Variants in L3MBTL4 observed in about 807,000 individuals in gnomAD.
L3MBTL4 encodes the protein lethal(3)malignant brain tumor-like protein 4.
L3MBTL4 carries 70 observed loss-of-function variants against 84.5 expected under a neutral mutation model. The ratio of observed to expected loss-of-function variants is 0.83; its 90% CI spans 0.68 to 1.01. L3MBTL4 has a LOEUF of 1.01. Ranked by LOEUF, L3MBTL4 falls within the 50% of genes least tolerant of loss-of-function variation. The probability of loss-of-function intolerance (pLI) is 0.00; values close to 1 mark genes in which losing one functional copy is unlikely to be tolerated. For missense variants in L3MBTL4, 715 were observed against 754.8 expected (o/e 0.95, Z 0.62); for synonymous variants, 274 against 259.8 (o/e 1.05, Z -0.52).
chr18:6,408,116 A>C (rs56844285), intron 1 of L3MBTL4, among the ~76,000 whole-genome samples: 1,525 of 152,346 alleles, frequency 0.01, 23 homozygotes, highest in African/African-American at 0.035. Context: ...CTGTGAAAAA[A>C]AATTCACAGA....
Position 5,956,403 on chromosome 18 carries a change from T to C in L3MBTL4, c.1678-16A>G. 6.2e-7 allele frequency: 1 copy of C among 1,611,268 alleles called. No homozygotes were observed. Among genetic ancestry groups the C allele is most frequent in the Non-Finnish European group, 8.5e-7 (1 of 1,178,788 alleles). On this transcript the variant is annotated splice_polypyrimidine_tract_variant and intron_variant, in intron 18 of 18. Coordinates refer to ENST00000317931, the MANE Select transcript of L3MBTL4 (RefSeq NM_001330559.2). ...CATCGATCTGCTGCAAATACATAAA[T>C]AGACACAAATAAAAATGTTTTGCCA...
intron 4 of L3MBTL4, among the ~76,000 whole-genome samples, chr18:6,274,575 T>C (rs1454364550): frequency 6.6e-6 from 1 of 152,236 alleles, no homozygotes; most frequent in South Asian, 2.1e-4. Flanking sequence ...AGTCTATATG[T>C]ACTGTGAAGC....
At chr18:6,156,959 C>A (rs1475072408) in intron 13 of L3MBTL4, among the ~76,000 whole-genome samples, 1 of 152,200 alleles carries the variant, frequency 6.6e-6, no homozygotes, top group Non-Finnish European at 1.5e-5. Context: ...GTTATAGAAT[C>A]AAGTAAATGG....
At chr18:6,193,362 A>G (rs557145892) in intron 12 of L3MBTL4, among the ~76,000 whole-genome samples, 1 of 152,308 alleles carries the variant, frequency 6.6e-6, no homozygotes, top group Admixed American at 6.5e-5. Flanking sequence ...TGAAGACACG[A>G]GAGTCAAACC....
intron 16 of L3MBTL4, among the ~76,000 whole-genome samples, chr18:5,971,614 C>T (rs745339595): frequency 1.3e-3 from 193 of 152,228 alleles, no homozygotes; most frequent in Non-Finnish European, 1.7e-3. Context: ...AAGCTGAAGT[C>T]ATTAAAAATG....
intron 15 of L3MBTL4, among the ~76,000 whole-genome samples, chr18:6,088,875 G>A (rs1466805155): frequency 6.6e-6 from 1 of 151,976 alleles, no homozygotes; most frequent in East Asian, 1.9e-4. Context: ...ATTTTCCCCA[G>A]GCATTTTTAT....
At chr18:6,258,057 G>T (rs1323330109) in intron 5 of L3MBTL4, among the ~76,000 whole-genome samples, 1 of 152,204 alleles carries the variant, frequency 6.6e-6, no homozygotes, top group African/African-American at 2.4e-5. Flanking sequence ...CAGAGCACAG[G>T]TGCAGGAGGC....
chr18:6,076,938 G>A (rs188516446), intron 16 of L3MBTL4, among the ~76,000 whole-genome samples: 5 of 152,250 alleles, frequency 3.3e-5, no homozygotes, highest in Admixed American at 6.5e-5. Context: ...ACCAAGGAGC[G>A]TCTAACGGCG....
chr18:6,170,629 G>A (rs754514817), intron 13 of L3MBTL4, among the ~76,000 whole-genome samples: 4 of 152,106 alleles, frequency 2.6e-5, no homozygotes, highest in Admixed American at 6.5e-5. Flanking sequence ...TTGGAGTGGA[G>A]TGAAGAGAGC....
At chr18:6,407,222 C>A (rs1568617769) in intron 1 of L3MBTL4, among the ~76,000 whole-genome samples, 1 of 152,186 alleles carries the variant, frequency 6.6e-6, no homozygotes. Flanking sequence ...CCGATTCACA[C>A]AAAACACAAA....
intron 13 of L3MBTL4, among the ~76,000 whole-genome samples, chr18:6,161,925 T>C (rs2043357277): frequency 6.7e-6 from 1 of 149,892 alleles, no homozygotes; most frequent in Admixed American, 6.7e-5. Flanking sequence ...ATAATTCTTA[T>C]ATATAAAATA....
intron 1 of L3MBTL4, among the ~76,000 whole-genome samples, chr18:6,372,859 T>C (rs1278686839): frequency 6.6e-6 from 1 of 152,226 alleles, no homozygotes; most frequent in Non-Finnish European, 1.5e-5. Context: ...CATGTTTTCC[T>C]GCAGGAACTT....
chr18:6,230,388 C>T (rs77979078), intron 10 of L3MBTL4, among the ~76,000 whole-genome samples: 3,002 of 152,204 alleles, frequency 0.02, 100 homozygotes, highest in African/African-American at 0.068. Flanking sequence ...CAGCTCCATC[C>T]ACATTGCTAT....
At chr18:6,121,397 A>G (rs796198945) in intron 14 of L3MBTL4, among the ~76,000 whole-genome samples, 4 of 152,344 alleles carry the variant, frequency 2.6e-5, no homozygotes, top group African/African-American at 9.6e-5. Context: ...TAAATCTGAC[A>G]TATGCAGGCA....
Position 6,136,591 on chromosome 18 carries a change from G to A in L3MBTL4, c.1199+1603C>T, listed in dbSNP as rs12968057. 4.3e-3 allele frequency among the ~76,000 whole-genome samples: 652 copies of A among 152,240 alleles called. 1 individual carries two copies. The highest frequency in any genetic ancestry group is 6.1e-3 in the Non-Finnish European group (416 of 68,018). On this transcript the variant is annotated intron_variant, in intron 14 of 18. Coordinates refer to ENST00000317931, the MANE Select transcript of L3MBTL4 (RefSeq NM_001330559.2). ...TGCAACTTCACTTCAGCCTCTGATT[G>A]GTTGCTTTCCACAACCGATCAGACT... is the stretch of plus-strand genomic sequence containing the variant.
chr18:6,077,363 T>A (rs2057890966), intron 16 of L3MBTL4, among the ~76,000 whole-genome samples: 1 of 152,196 alleles, frequency 6.6e-6, no homozygotes, highest in Non-Finnish European at 1.5e-5. Flanking sequence ...AAAATTTTTA[T>A]CATCCAATCT....
intron 4 of L3MBTL4, among the ~76,000 whole-genome samples, chr18:6,269,993 A>G (rs949237778): frequency 2.0e-5 from 3 of 152,236 alleles, no homozygotes; most frequent in African/African-American, 7.2e-5. Context: ...TCCATTAGCC[A>G]TAAACACAAC....
chr18:6,096,882 T>C (rs1228825067), intron 14 of L3MBTL4, among the ~76,000 whole-genome samples: 1 of 152,194 alleles, frequency 6.6e-6, no homozygotes, highest in African/African-American at 2.4e-5. Context: ...AGTTGGTTGA[T>C]TATGCATGGA....
At chr18:6,388,412 T>C (rs1380892832) in intron 1 of L3MBTL4, among the ~76,000 whole-genome samples, 1 of 152,148 alleles carries the variant, frequency 6.6e-6, no homozygotes, top group African/African-American at 2.4e-5. Context: ...CCTAACAATA[T>C]AGAAATTTCA....
Sources: allele counts gnomAD v4.1 joint callset (sites outside exome capture counted in the v4.1 genomes callset), GRCh38; gene constraint gnomAD v4.1.1; transcripts MANE v1.5; gene names NCBI Gene and HGNC (gene_info 2026-07-23, HGNC 2026-07-21).